MREG: variants seen among roughly 807,000 people sequenced by gnomAD.
The protein encoded by MREG is melanoregulin, also known as dilute suppressor protein homolog.
Under a neutral mutation model 28.5 loss-of-function variants are expected in MREG, and 31 were observed. The observed-to-expected ratio is 1.09, with a 90% CI of 0.82 to 1.47. The LOEUF is 1.47. Ranked by LOEUF, MREG falls within the 40% of genes most tolerant of loss-of-function variation. The pLI, the probability that MREG is intolerant of heterozygous loss-of-function variation, is 0.00. For synonymous variants in MREG, 106 were observed against 95.2 expected, an observed-to-expected ratio of 1.11 and a Z score of -0.66; for missense variants, 256 against 257.4, an observed-to-expected ratio of 0.99 and a Z score of 0.04.
intron 1 of MREG, among the ~76,000 whole-genome samples, chr2:216,004,344 C>A (rs754438083): frequency 6.6e-6 from 1 of 152,118 alleles, no homozygotes; most frequent in Admixed American, 6.6e-5. Context: ...GTTTATTGGG[C>A]TCCCCAACAC....
At chr2:215,994,227 C>T (rs1693798286) in intron 2 of MREG, among the ~76,000 whole-genome samples, 2 of 151,940 alleles carry the variant, frequency 1.3e-5, no homozygotes, top group Non-Finnish European at 2.9e-5. Flanking sequence ...GAATACTATG[C>T]AGCCATAAAA....
chr2:216,022,024 G>C (rs1229670245), intron 1 of MREG, among the ~76,000 whole-genome samples: 3 of 152,138 alleles, frequency 2.0e-5, no homozygotes, highest in Non-Finnish European at 2.9e-5. Context: ...GATCACCTGA[G>C]GTCAGGAGTT....
chr2:216,020,127 A>C (rs970063422), intron 1 of MREG, among the ~76,000 whole-genome samples: 3 of 152,150 alleles, frequency 2.0e-5, no homozygotes, highest in Non-Finnish European at 4.4e-5. Flanking sequence ...AAGGGATTCT[A>C]ACCCTGTTGC....
intron 2 of MREG, among the ~76,000 whole-genome samples, chr2:215,994,566 AAAGAGGGAG>A (rs750611109): frequency 6.6e-5 from 10 of 151,490 alleles, no homozygotes; most frequent in Non-Finnish European, 1.5e-4. Context: ...TTTTAAAAAA[AAAGAGGGAG>A]AAGAGGGAGA....
chr2:216,019,098 G>A (rs1694485628), intron 1 of MREG, among the ~76,000 whole-genome samples: 1 of 152,210 alleles, frequency 6.6e-6, no homozygotes, highest in Non-Finnish European at 1.5e-5. Flanking sequence ...TCCTGCTCTT[G>A]CATTTCCGAA....
At chr2:216,000,539 T>C (rs1293410287) in intron 1 of MREG, among the ~76,000 whole-genome samples, 1 of 152,008 alleles carries the variant, frequency 6.6e-6, no homozygotes, top group African/African-American at 2.4e-5. Context: ...CCCTGGTACT[T>C]TTCCTGGCAT....
chr2:216,019,884 T>C (rs1694497209), intron 1 of MREG, among the ~76,000 whole-genome samples: 1 of 152,216 alleles, frequency 6.6e-6, no homozygotes, highest in African/African-American at 2.4e-5. Flanking sequence ...TTAATAGTCA[T>C]AGTCTTTGCT....
intron 1 of MREG, among the ~76,000 whole-genome samples, chr2:216,011,371 C>A (rs1694305761): frequency 6.6e-6 from 1 of 152,072 alleles, no homozygotes; most frequent in African/African-American, 2.4e-5. Context: ...CCACTCATAC[C>A]CACATGCTCA....
upstream of MREG, among the ~76,000 whole-genome samples, chr2:216,014,862 T>A (rs187068638): frequency 3.9e-5 from 6 of 152,282 alleles, no homozygotes; most frequent in East Asian, 1.2e-3. Flanking sequence ...AATCTAAAGT[T>A]TTGTCTTTTC....
At chr2:215,980,394 CAG>C (rs1055639080) in intron 2 of MREG, among the ~76,000 whole-genome samples, 1 of 152,144 alleles carries the variant, frequency 6.6e-6, no homozygotes, top group Non-Finnish European at 1.5e-5. Flanking sequence ...GCCCAGAAAA[CAG>C]AGTAGAATTC....
At chr2:215,965,260 C>T (rs1692908900) in intron 2 of MREG, among the ~76,000 whole-genome samples, 1 of 152,210 alleles carries the variant, frequency 6.6e-6, no homozygotes, top group East Asian at 1.9e-4. Context: ...GATACATTTG[C>T]AGGTTCCTGT....
chr2:215,985,362 A>G lies in MREG; in HGVS notation c.255+10944T>C, dbSNP rs186161026. ...GAGGCTGTTTACTACTTCTTAGGCAAACATAATGTACTTTATGGCATCATT... is the reference window on the plus strand; with the variant it reads ...GAGGCTGTTTACTACTTCTTAGGCAGACATAATGTACTTTATGGCATCATT... On this transcript the variant is annotated intron_variant, in intron 2 of 4. Coordinates refer to ENST00000263268, the MANE Select transcript of MREG (RefSeq NM_018000.3). Among the ~76,000 whole-genome samples the G allele has an allele frequency of 4.6e-5, 7 of 152,348 alleles. No individual in the cohort carries two copies. In the East Asian group the frequency reaches 1.3e-3, roughly 29 times the overall value.
chr2:215,975,014 A>ATATATATATATATATATG (rs1699553263), intron 2 of MREG, among the ~76,000 whole-genome samples: 2 of 143,722 alleles, frequency 1.4e-5, no homozygotes, highest in Admixed American at 7.1e-5. Flanking sequence ...TGAATTATAT[A>ATATATATATATATATATG]TATATATATA....
At chr2:215,956,732 G>C (rs1189325804) in intron 2 of MREG, among the ~76,000 whole-genome samples, 1 of 151,994 alleles carries the variant, frequency 6.6e-6, no homozygotes, top group Non-Finnish European at 1.5e-5. Flanking sequence ...TAGAGATGAG[G>C]TCTCACTATG....
At chr2:215,964,485 A>AG (rs1162491356) in intron 2 of MREG, among the ~76,000 whole-genome samples, 16 of 55,636 alleles carry the variant, frequency 2.9e-4, no homozygotes, top group Admixed American at 1.4e-3. Context: ...CTGTCTCAAA[A>AG]AAAAGAAAGA....
rs978637108 is a variant in MREG at position 215,944,631 on chromosome 2, C to G, written c.*232G>C. 2 of 364,308 alleles carry G rather than the reference C, an allele frequency of 5.5e-6. No individual in the cohort carries two copies. Among genetic ancestry groups the G allele is most frequent in the Non-Finnish European group, 9.9e-6 (2 of 202,226 alleles). The allele number at this position is 364,308 out of a possible 1,614,324, so 22.6% of individuals were successfully genotyped here. On this transcript the variant is annotated 3_prime_UTR_variant, in exon 5 of 5. Transcript: ENST00000263268. ...ACCCATTATGAACTATCCATCTGACCAACTCTTTAACTTTCTTCCTAAATA... is the reference window on the plus strand; with the variant it reads ...ACCCATTATGAACTATCCATCTGACGAACTCTTTAACTTTCTTCCTAAATA...
chr2:216,025,852 G>A (rs1450592525), intron 1 of MREG, among the ~76,000 whole-genome samples: 1 of 152,224 alleles, frequency 6.6e-6, no homozygotes, highest in Admixed American at 6.5e-5. Context: ...ACAAGCTCAG[G>A]ATTTCCTTCC....
intron 2 of MREG, among the ~76,000 whole-genome samples, chr2:215,984,837 C>T (rs1693524892): frequency 6.6e-6 from 1 of 152,200 alleles, no homozygotes. Flanking sequence ...TAGCTGTCAT[C>T]CCACTGATAT....
chr2:215,974,701 A>G (rs961400286), intron 2 of MREG, among the ~76,000 whole-genome samples: 2 of 152,098 alleles, frequency 1.3e-5, no homozygotes, highest in African/African-American at 4.8e-5. Context: ...GTAAAGGAAG[A>G]ATCTTAGACC....
Sources: gnomAD v4.1 joint callset for allele counts (sites outside exome capture counted in the v4.1 genomes callset) on GRCh38, gnomAD v4.1.1 for gene constraint, MANE v1.5 for transcripts, NCBI Gene and HGNC (gene_info 2026-07-23, HGNC 2026-07-21) for gene names.